Variants in CELF4 observed in about 807,000 individuals in gnomAD.
CELF4 encodes CUGBP Elav-like family member 4, also known as CUG-BP- and ETR-3-like factor 4.
CELF4 carries 18 observed loss-of-function variants against 59.9 expected under a neutral mutation model. That is an observed-to-expected ratio of 0.30 (90% CI 0.21 to 0.45). CELF4 has a LOEUF of 0.45. Among genes scored for constraint, CELF4 ranks in the 20% least tolerant of loss-of-function variants. The pLI is 1.00. For missense variants in CELF4, 456 were observed against 689.0 expected (o/e 0.66, Z 3.79); for synonymous variants, 261 against 267.1 (o/e 0.98, Z 0.22).
intron 2 of CELF4, among the ~76,000 whole-genome samples, chr18:37,394,147 G>T (rs1418191508): frequency 6.6e-6 from 1 of 152,092 alleles, no homozygotes; most frequent in Non-Finnish European, 1.5e-5. Flanking sequence ...GCGGGGCAGC[G>T]GGGTTCCGGC....
At chr18:37,509,973 A>G (rs1384487852) in intron 1 of CELF4, among the ~76,000 whole-genome samples, 6 of 152,198 alleles carry the variant, frequency 3.9e-5, no homozygotes, top group Non-Finnish European at 7.3e-5. Flanking sequence ...ATGGAGATAG[A>G]AAGAAGATTA....
chr18:37,283,946 G>GTACACACA (rs1569523372), intron 3 of CELF4, among the ~76,000 whole-genome samples: 2 of 1,284 alleles, frequency 1.6e-3, no homozygotes, highest in South Asian at 0.038. Flanking sequence ...CATGCACCAC[G>GTACACACA]CATATACCCC....
At chr18:37,326,785 G>A (rs1046417879) in intron 2 of CELF4, among the ~76,000 whole-genome samples, 37 of 152,294 alleles carry the variant, frequency 2.4e-4, no homozygotes, top group African/African-American at 8.7e-4. Flanking sequence ...GTGGGCAGGT[G>A]GATGGCCCCT....
chr18:37,450,885 G>C (rs895294642), intron 2 of CELF4, among the ~76,000 whole-genome samples: 1 of 152,158 alleles, frequency 6.6e-6, no homozygotes, highest in African/African-American at 2.4e-5. Flanking sequence ...GGTTTTTCAG[G>C]AGTGGGAAGG....
At chr18:37,262,865 T>C (rs2154315977) in intron 10 of CELF4, among the ~76,000 whole-genome samples, 1 of 152,230 alleles carries the variant, frequency 6.6e-6, no homozygotes, top group South Asian at 2.1e-4. Flanking sequence ...ACTTCACCAG[T>C]GGTAGCCCAG....
chr18:37,427,661 T>G (rs1056530496), intron 2 of CELF4, among the ~76,000 whole-genome samples: 5 of 152,182 alleles, frequency 3.3e-5, no homozygotes, highest in African/African-American at 4.8e-5. Context: ...CTCTCTTTGT[T>G]TGGCTTTCAA....
At chr18:37,404,775 A>T (rs1389321362) in intron 2 of CELF4, among the ~76,000 whole-genome samples, 1 of 152,182 alleles carries the variant, frequency 6.6e-6, no homozygotes, top group Non-Finnish European at 1.5e-5. Context: ...AGTGAGGTCC[A>T]AGGCACTCAG....
intron 2 of CELF4, among the ~76,000 whole-genome samples, chr18:37,413,640 C>T (rs1003922626): frequency 3.9e-5 from 6 of 152,236 alleles, no homozygotes; most frequent in East Asian, 3.9e-4. Context: ...TCTCAGTCAA[C>T]TGAAGCTGGT....
At chr18:37,367,885 C>G (rs2098806601) in intron 2 of CELF4, among the ~76,000 whole-genome samples, 1 of 152,074 alleles carries the variant, frequency 6.6e-6, no homozygotes, top group South Asian at 2.1e-4. Flanking sequence ...CCCACCTTTC[C>G]TTTGTGCGAT....
chr18:37,261,695 G>T, intron 10 of CELF4, among the ~76,000 whole-genome samples: 1 of 152,336 alleles, frequency 6.6e-6, no homozygotes, highest in Non-Finnish European at 1.5e-5. Flanking sequence ...GACAGAAAGC[G>T]GCTACCCCTG....
intron 2 of CELF4, among the ~76,000 whole-genome samples, chr18:37,359,506 T>C (rs2154559071): frequency 6.6e-6 from 1 of 152,284 alleles, no homozygotes; most frequent in East Asian, 1.9e-4. Context: ...GGCTAATTTT[T>C]AATATTTTGT....
chr18:37,547,177 G>GTGTC (rs1308028742), intron 1 of CELF4, among the ~76,000 whole-genome samples: 1 of 151,494 alleles, frequency 6.6e-6, no homozygotes, highest in Non-Finnish European at 1.5e-5. Context: ...GTGTGTGTGT[G>GTGTC]TGTGTGTGTG....
intron 1 of CELF4, among the ~76,000 whole-genome samples, chr18:37,505,688 T>G (rs1170942162): frequency 6.6e-6 from 1 of 152,174 alleles, no homozygotes; most frequent in African/African-American, 2.4e-5. Flanking sequence ...TGGAATCCCA[T>G]CTGGGCTCTA....
At chr18:37,370,713 A>G (rs2098849146) in intron 2 of CELF4, among the ~76,000 whole-genome samples, 1 of 152,074 alleles carries the variant, frequency 6.6e-6, no homozygotes, top group Admixed American at 6.6e-5. Flanking sequence ...CCTTAGGACC[A>G]CCCTGGAGTG....
At chr18:37,469,753 G>A (rs905524365) in intron 2 of CELF4, among the ~76,000 whole-genome samples, 17 of 152,186 alleles carry the variant, frequency 1.1e-4, no homozygotes, top group African/African-American at 3.6e-4. Context: ...GCCAGATAGC[G>A]GGTTTTCTTC....
chr18:37,536,930 A>C (rs1270330054), intron 1 of CELF4, among the ~76,000 whole-genome samples: 1 of 152,136 alleles, frequency 6.6e-6, no homozygotes, highest in East Asian at 1.9e-4. Flanking sequence ...TGGCTGACTC[A>C]CTTCACAAGA....
At chr18:37,373,695 G>A (rs970708897) in intron 2 of CELF4, among the ~76,000 whole-genome samples, 6 of 152,226 alleles carry the variant, frequency 3.9e-5, no homozygotes, top group African/African-American at 1.4e-4. Context: ...TCCCTGCCAG[G>A]TTTCAGACTC....
At chr18:37,294,412 C>T (rs969550866) in intron 3 of CELF4, among the ~76,000 whole-genome samples, 4 of 152,166 alleles carry the variant, frequency 2.6e-5, no homozygotes, top group Non-Finnish European at 4.4e-5. Context: ...GGCAACTTTG[C>T]CATCTGCCCC....
chr18:37,280,988 G>A (rs371111828), intron 3 of CELF4, among the ~76,000 whole-genome samples: 2 of 152,366 alleles, frequency 1.3e-5, no homozygotes, highest in Admixed American at 6.5e-5. Context: ...AGAACCTCCT[G>A]CATCCTCCCA....
Sources: gnomAD v4.1 joint callset for allele counts (sites outside exome capture counted in the v4.1 genomes callset) on GRCh38, gnomAD v4.1.1 for gene constraint, MANE v1.5 for transcripts, NCBI Gene and HGNC (gene_info 2026-07-23, HGNC 2026-07-21) for gene names.